Variants in RBM22 observed in about 807,000 individuals in gnomAD.
RBM22 encodes the protein pre-mRNA-splicing factor RBM22.
In RBM22, 1 loss-of-function variant was observed where a neutral mutation model predicts 50.1. That is an observed-to-expected ratio of 0.02 (90% confidence interval 0.01 to 0.09). The LOEUF is 0.09. Ranked by LOEUF, RBM22 falls within the 10% of genes least tolerant of loss-of-function variation. The pLI is 1.00. For missense variants in RBM22, 264 were observed against 529.3 expected (o/e 0.50, Z 4.92); for synonymous variants, 152 against 179.0 (o/e 0.85, Z 1.20).
At chr5:150,699,839 A>T (rs1193683600) in intron 2 of RBM22, among the ~76,000 whole-genome samples, 1 of 152,330 alleles carries the variant, frequency 6.6e-6, no homozygotes, top group Non-Finnish European at 1.5e-5. Flanking sequence ...TCCTGTGCCA[A>T]TGCCCGGAAT....
At chr5:150,700,845 CG>C (rs750915485) in intron 1 of RBM22, 86 bp downstream of exon 1, 39 of 1,612,402 alleles carry the variant, frequency 2.4e-5, no homozygotes, top group African/African-American at 2.0e-4. Context: ...GGTATTCCTT[CG>C]GCCGCGCCGC....
At chr5:150,699,838 A>C in intron 2 of RBM22, among the ~76,000 whole-genome samples, 1 of 152,212 alleles carries the variant, frequency 6.6e-6, no homozygotes, top group East Asian at 1.9e-4. Context: ...GTCCTGTGCC[A>C]ATGCCCGGAA....
Position 150,698,482 on chromosome 5 carries a change from G to A in RBM22, c.271+17C>T. Reference sequence around the variant, plus strand: ...GCACCTGCACACTTTCAGATTTATTGGACAGGTCAAACATACCATACTCTA... The same window carrying A: ...GCACCTGCACACTTTCAGATTTATTAGACAGGTCAAACATACCATACTCTA... On this transcript the variant is annotated intron_variant, in intron 4 of 10. Coordinates refer to ENST00000199814, the MANE Select transcript of RBM22 (RefSeq NM_018047.3). The A allele has an allele frequency of 6.2e-7, 1 of 1,612,244 alleles. No individual in the cohort carries two copies. Among genetic ancestry groups the A allele is most frequent in the East Asian group, 2.2e-5 (1 of 44,844 alleles).
At chr5:150,700,803 G>C (rs763437077) in intron 1 of RBM22, 129 bp downstream of exon 1, 1 of 1,587,852 alleles carries the variant, frequency 6.3e-7, no homozygotes, top group Non-Finnish European at 8.6e-7. Flanking sequence ...TCCTGCTCCG[G>C]CCAAGCTAGG....
rs1258558491 is a variant in RBM22 at position 150,694,008 on chromosome 5, C to T, written c.911+68G>A. ...GCCTGTTAACCAAAAGCCTACTAGT[C>T]TCCAGAAAATGAAATAGTTTCTTAA... On this transcript the variant is annotated intron_variant, in intron 8 of 10. Coordinates refer to ENST00000199814, the MANE Select transcript of RBM22 (RefSeq NM_018047.3). The T allele has an allele frequency of 7.7e-6, 12 of 1,562,394 alleles. No homozygotes were observed. In the African/African-American group the frequency reaches 1.5e-4, roughly 20 times the overall value.
intron 1 of RBM22, 126 bp downstream of exon 1, chr5:150,700,806 A>C: frequency 7.5e-6 from 12 of 1,592,402 alleles, no homozygotes; most frequent in Non-Finnish European, 1.0e-5. Context: ...TGCTCCGGCC[A>C]AGCTAGGCCG....
At position 150,691,891 on chromosome 5, in the gene RBM22, C is replaced by T. The variant is rs201409838; in HGVS notation, c.1133-10G>A. 9.6e-5 allele frequency: 150 copies of T among 1,557,836 alleles called. No individual in the cohort carries two copies. The highest frequency in any genetic ancestry group is 8.6e-4 in the African/African-American group (63 of 73,138). On this transcript the variant is annotated splice_polypyrimidine_tract_variant and intron_variant, in intron 10 of 10. Coordinates refer to ENST00000199814, the MANE Select transcript of RBM22 (RefSeq NM_018047.3). Reference sequence around the variant, plus strand: ...ATGTGTGGCCCAAAACCTGCAGATACGAGAGAACAAATGTGTTAGGCTGGT... The same window carrying T: ...ATGTGTGGCCCAAAACCTGCAGATATGAGAGAACAAATGTGTTAGGCTGGT...
At chr5:150,694,383 C>G (rs1482827007) in intron 7 of RBM22, 143 bp from the exon 8 acceptor site, 2 of 1,315,880 alleles carry the variant, frequency 1.5e-6, no homozygotes, top group East Asian at 5.4e-5. Flanking sequence ...CAGGTCTCCA[C>G]CCCATATCTT....
intron 4 of RBM22, among the ~76,000 whole-genome samples, chr5:150,697,218 T>C (rs1235315462): frequency 6.6e-6 from 1 of 152,086 alleles, no homozygotes; most frequent in Non-Finnish European, 1.5e-5. Flanking sequence ...GTCCAGGAGT[T>C]CGAGACCAGC....
chr5:150,692,732 G>T (rs150111530), intron 10 of RBM22, among the ~76,000 whole-genome samples, 163 bp downstream of exon 10: 3 of 152,312 alleles, frequency 2.0e-5, no homozygotes, highest in African/African-American at 7.2e-5. Flanking sequence ...CCTCGGCAGA[G>T]CAGGAGAAAG....
chr5:150,693,015 G>A lies in RBM22; in HGVS notation c.1012C>T (p.Pro338Ser), dbSNP rs1759228949. 1.2e-6 allele frequency: 2 copies of A among 1,610,046 alleles called. No individual in the cohort carries two copies. The highest frequency in any genetic ancestry group is 8.5e-7 in the Non-Finnish European group (1 of 1,178,436). The change falls in exon 10 of 11, where the codon CCT (proline) becomes TCT (serine). Residue 338 changes from proline (P) to serine (S), a missense_variant. This residue lies in a region of RBM22 where 106 missense variants were observed against 137.1 expected (regional missense o/e 0.77). Coordinates refer to ENST00000199814, the MANE Select transcript of RBM22 (RefSeq NM_018047.3). ...VPGLPGALPP[P>S]PAAEEEASAN... ...GAGGCTTCTTCTTCTGCTGCAGGAG[G>A]AGGAGGAAGAGCTGGAGGAGAGAAA...
chr5:150,693,210 T>C lies in RBM22; in HGVS notation c.1000+9A>G. 2 of 1,609,320 alleles carry C rather than the reference T, an allele frequency of 1.2e-6. No homozygotes were observed. The highest frequency in any genetic ancestry group is 8.5e-7 in the Non-Finnish European group (1 of 1,175,856). Reference sequence around the variant, plus strand: ...GAGCTTCTGAAGTCAGCAGGGAGTCTGCACTCACCTCCTGGCAATCCTGGA... The same window carrying C: ...GAGCTTCTGAAGTCAGCAGGGAGTCCGCACTCACCTCCTGGCAATCCTGGA... On this transcript the variant is annotated intron_variant, in intron 9 of 10. Coordinates refer to ENST00000199814, the MANE Select transcript of RBM22 (RefSeq NM_018047.3).
rs770892831 is a variant in RBM22, at chr5:150,693,026, G to A, written c.1001C>T (p.Ala334Val). ...KLEPVPGLPG[A>V]LPPPPAAEEE... ...TTCTGCTGCAGGAGGAGGAGGAAGA[G>A]CTGGAGGAGAGAAAATAGTCAACAC... is the stretch of plus-strand genomic sequence containing the variant. The change falls in exon 10 of 11, where the codon GCT becomes GTT. Residue 334 changes from alanine to valine, a missense_variant and splice_region_variant. By Grantham distance (64) the Ala-to-Val change is moderately conservative (BLOSUM62 0). This residue lies in a region of RBM22 where 106 missense variants were observed against 137.1 expected (regional missense o/e 0.77). Transcript: ENST00000199814. 8.1e-6 allele frequency: 13 copies of A among 1,606,272 alleles called. No individual in the cohort carries two copies. The highest frequency in any genetic ancestry group is 1.1e-5 in the Non-Finnish European group (13 of 1,176,916).
intron 6 of RBM22, 128 bp from the exon 7 acceptor site, chr5:150,695,834 G>T: frequency 1.4e-6 from 1 of 716,086 alleles, no homozygotes; most frequent in South Asian, 1.9e-5. Context: ...TAGAAACTAT[G>T]GTTTCTACCA....
rs1301585691 is a variant in RBM22, at chr5:150,693,326, T to C, written c.912-19A>G. On this transcript the variant is annotated intron_variant, in intron 8 of 10. Coordinates refer to ENST00000199814, the MANE Select transcript of RBM22 (RefSeq NM_018047.3). The stretch of plus-strand genomic sequence containing the variant: ...CTGGGATCTGGGAAACACACATGCA[T>C]ACAGTCGGCACTCTGGCCCACCTTA... The C allele has an allele frequency of 6.3e-7, 1 of 1,594,300 alleles. No individual in the cohort carries two copies. The highest frequency in any genetic ancestry group is 1.3e-5 in the African/African-American group (1 of 74,630).
chr5:150,691,542 A>C lies in RBM22; in HGVS notation c.*209T>G. ...TTTTATTAGTCATGTTACAGCAGTA[A>C]CCAGATGTGTTAATGGCAGCTTATT... is the stretch of plus-strand genomic sequence containing the variant. On this transcript the variant is annotated 3_prime_UTR_variant, in exon 11 of 11. Coordinates refer to ENST00000199814, the MANE Select transcript of RBM22 (RefSeq NM_018047.3). The C allele has an allele frequency of 2.1e-6, 1 of 486,934 alleles. No homozygotes were observed. Among genetic ancestry groups the C allele is most frequent in the Non-Finnish European group, 3.3e-6 (1 of 302,236 alleles). 30.2% of individuals were successfully genotyped at this position (486,934 alleles called of 1,614,324 possible).
intron 1 of RBM22, 30 bp downstream of exon 1, chr5:150,700,902 C>T (rs750410293): frequency 6.2e-7 from 1 of 1,614,188 alleles, no homozygotes; most frequent in South Asian, 1.1e-5. Flanking sequence ...TCGCCTCCTC[C>T]TTCCATCCTC....
chr5:150,697,544 A>G (rs1759292822), intron 4 of RBM22, among the ~76,000 whole-genome samples: 1 of 152,262 alleles, frequency 6.6e-6, no homozygotes, highest in South Asian at 2.1e-4. Context: ...AAGTAAATGT[A>G]AAAGTGGTTT....
intron 8 of RBM22, 152 bp from the exon 9 acceptor site, chr5:150,693,459 A>G (rs2151455980): frequency 1.5e-6 from 1 of 645,612 alleles, no homozygotes; most frequent in East Asian, 2.7e-5. Context: ...ACAGTGAACA[A>G]GAGCAAAGGT....
Sources: allele counts gnomAD v4.1 joint callset (sites outside exome capture counted in the v4.1 genomes callset), GRCh38; gene constraint gnomAD v4.1.1; regional missense constraint gnomAD v4.1.1; transcripts MANE v1.5; gene names NCBI Gene and HGNC (gene_info 2026-07-23, HGNC 2026-07-21).